Variants in CORO2B observed in about 807,000 individuals in gnomAD.
CORO2B encodes the protein coronin 2B, also known as coronin-2B.
In CORO2B, 26 loss-of-function variants were observed where a neutral mutation model predicts 58.8. The observed-to-expected ratio is 0.44, with a 90% CI of 0.32 to 0.61. The LOEUF is 0.61. Among genes scored for constraint, CORO2B ranks in the 20% least tolerant of loss-of-function variants. The probability of loss-of-function intolerance (pLI) is 0.04; values close to 1 mark genes in which losing one functional copy is unlikely to be tolerated. For synonymous variants in CORO2B, 242 were observed against 253.8 expected, an observed-to-expected ratio of 0.95 and a Z score of 0.44; for missense variants, 460 against 645.1, an observed-to-expected ratio of 0.71 and a Z score of 3.11.
upstream of CORO2B, among the ~76,000 whole-genome samples, chr15:68,577,236 G>A (rs1045804026): frequency 6.6e-6 from 1 of 152,138 alleles, no homozygotes; most frequent in Non-Finnish European, 1.5e-5. Context: ...AGTAGGAATG[G>A]ACCCTGCAGT....
the CORO2B span, among the ~76,000 whole-genome samples, chr15:68,566,216 C>A: frequency 6.6e-6 from 1 of 152,152 alleles, no homozygotes; most frequent in Non-Finnish European, 1.5e-5. Flanking sequence ...AGTGGAGATG[C>A]AGCTGATGTG....
At chr15:68,586,819 C>T (rs557653170) in intron 1 of CORO2B, among the ~76,000 whole-genome samples, 13 of 151,994 alleles carry the variant, frequency 8.6e-5, no homozygotes, top group Non-Finnish European at 1.8e-4. Context: ...TTGCCTACCC[C>T]GATGCCTCAC....
At chr15:68,597,003 C>T (rs1374317804) in intron 1 of CORO2B, among the ~76,000 whole-genome samples, 1 of 152,210 alleles carries the variant, frequency 6.6e-6, no homozygotes, top group Non-Finnish European at 1.5e-5. Context: ...CCGCAGAAGT[C>T]CTCAGGGACC....
chr15:68,669,511 A>G (rs989773948), intron 2 of CORO2B, among the ~76,000 whole-genome samples: 4 of 152,186 alleles, frequency 2.6e-5, no homozygotes, highest in Non-Finnish European at 5.9e-5. Flanking sequence ...GCGTGAATGC[A>G]TGAGTGGGCC....
the CORO2B span, among the ~76,000 whole-genome samples, chr15:68,543,405 C>T: frequency 6.6e-6 from 1 of 152,172 alleles, no homozygotes; most frequent in Non-Finnish European, 1.5e-5. Flanking sequence ...GCATCATTCT[C>T]AGCCTGGGCC....
chr15:68,595,240 G>A (rs1429520098), intron 1 of CORO2B, among the ~76,000 whole-genome samples: 1 of 152,192 alleles, frequency 6.6e-6, no homozygotes, highest in Non-Finnish European at 1.5e-5. Flanking sequence ...CCTGCCTCAG[G>A]TTGGGACAAA....
chr15:68,574,923 G>A (rs944023990), upstream of CORO2B, among the ~76,000 whole-genome samples: 1 of 152,174 alleles, frequency 6.6e-6, no homozygotes, highest in African/African-American at 2.4e-5. Flanking sequence ...CTAAAGCATT[G>A]AGGCATGAAA....
chr15:68,615,244 G>A (rs988768558), intron 1 of CORO2B, among the ~76,000 whole-genome samples: 1 of 152,168 alleles, frequency 6.6e-6, no homozygotes, highest in South Asian at 2.1e-4. Flanking sequence ...CAGTTAGTTA[G>A]TAATTCCCTA....
chr15:68,665,881 T>C (rs1902175011), intron 2 of CORO2B, among the ~76,000 whole-genome samples: 1 of 151,924 alleles, frequency 6.6e-6, no homozygotes, highest in Non-Finnish European at 1.5e-5. Context: ...GTAGTGATAA[T>C]TCTCCTCTTC....
intron 1 of CORO2B, among the ~76,000 whole-genome samples, chr15:68,608,305 G>A (rs921733861): frequency 1.3e-5 from 2 of 152,206 alleles, no homozygotes; most frequent in Non-Finnish European, 2.9e-5. Flanking sequence ...GCCCAGACCC[G>A]AACATTGGTG....
intron 1 of CORO2B, among the ~76,000 whole-genome samples, chr15:68,642,035 C>CTT (rs33965107): frequency 0.43 from 49,569 of 115,848 alleles, 11,854 homozygotes; most frequent in South Asian, 0.5. Flanking sequence ...GGCCTAGCCT[C>CTT]TTTTTTTTTT....
chr15:68,545,691 C>T, the CORO2B span, among the ~76,000 whole-genome samples: 1 of 151,406 alleles, frequency 6.6e-6, no homozygotes, highest in South Asian at 2.1e-4. Context: ...CCTCCCCTTC[C>T]TTAGTTCCTG....
chr15:68,538,819 G>A, the CORO2B span, among the ~76,000 whole-genome samples: 2 of 152,200 alleles, frequency 1.3e-5, no homozygotes, highest in Non-Finnish European at 2.9e-5. Context: ...CTAAAGAGGT[G>A]TCATTCCAGT....
intron 1 of CORO2B, among the ~76,000 whole-genome samples, chr15:68,613,092 G>C (rs1335209986): frequency 6.6e-6 from 1 of 152,156 alleles, no homozygotes; most frequent in Non-Finnish European, 1.5e-5. Flanking sequence ...TGTCTTTCTG[G>C]AGAGGTCCAG....
At chr15:68,591,073 TG>T (rs1227133444) in intron 1 of CORO2B, among the ~76,000 whole-genome samples, 1 of 151,914 alleles carries the variant, frequency 6.6e-6, no homozygotes, top group Non-Finnish European at 1.5e-5. Context: ...TCCTGGTCTG[TG>T]GGGGGACACA....
intron 1 of CORO2B, among the ~76,000 whole-genome samples, chr15:68,630,731 G>T (rs1900806086): frequency 6.6e-6 from 1 of 152,110 alleles, no homozygotes; most frequent in Admixed American, 6.5e-5. Flanking sequence ...TTGGTCGGTG[G>T]CTCCACAGTG....
At chr15:68,644,059 C>A (rs544988974) in intron 1 of CORO2B, among the ~76,000 whole-genome samples, 17 of 151,944 alleles carry the variant, frequency 1.1e-4, no homozygotes, top group Non-Finnish European at 2.2e-4. Flanking sequence ...GAAAAACCAA[C>A]AACAAAAAAA....
intron 1 of CORO2B, among the ~76,000 whole-genome samples, chr15:68,592,703 C>T (rs1408972891): frequency 6.6e-6 from 1 of 152,164 alleles, no homozygotes; most frequent in Non-Finnish European, 1.5e-5. Context: ...CCCAGGCATA[C>T]AGAGATGGAG....
intron 1 of CORO2B, among the ~76,000 whole-genome samples, chr15:68,626,573 G>T (rs1025800534): frequency 6.6e-6 from 1 of 152,130 alleles, no homozygotes; most frequent in Non-Finnish European, 1.5e-5. Flanking sequence ...CACAGATGCG[G>T]GACTCCCAGC....
Sources: gnomAD v4.1 joint callset for allele counts (sites outside exome capture counted in the v4.1 genomes callset) on GRCh38, gnomAD v4.1.1 for gene constraint, MANE v1.5 for transcripts, NCBI Gene and HGNC (gene_info 2026-07-23, HGNC 2026-07-21) for gene names.